Variants in BNC2 observed in about 807,000 individuals in gnomAD.
BNC2 encodes the protein basonuclin zinc finger protein 2, also known as zinc finger protein basonuclin-2.
In BNC2, 20 loss-of-function variants were observed where a neutral mutation model predicts 76.3. The observed-to-expected ratio is 0.26, with a 90% confidence interval of 0.18 to 0.38. The LOEUF (loss-of-function observed/expected upper bound fraction) is 0.38, where lower values mean the gene tolerates loss of function less well. Ranked by LOEUF, BNC2 falls within the 10% of genes least tolerant of loss-of-function variation. The pLI is 1.00. For missense variants in BNC2, 1,382 were observed against 1,399.8 expected (o/e 0.99, Z 0.20); for synonymous variants, 582 against 514.8 (o/e 1.13, Z -1.77).
At chr9:16,790,367 G>T (rs1408659930) in intron 1 of BNC2, among the ~76,000 whole-genome samples, 2 of 152,148 alleles carry the variant, frequency 1.3e-5, no homozygotes, top group Non-Finnish European at 2.9e-5. Flanking sequence ...TGTCAAAACA[G>T]TAAAAACTGT....
intron 1 of BNC2, among the ~76,000 whole-genome samples, chr9:16,785,906 G>T (rs912286767): frequency 1.3e-5 from 2 of 152,016 alleles, no homozygotes; most frequent in Non-Finnish European, 2.9e-5. Flanking sequence ...CCAGGGCCTT[G>T]AAGGAAAATC....
At chr9:16,742,904 T>G (rs895602445) in intron 1 of BNC2, among the ~76,000 whole-genome samples, 1 of 152,182 alleles carries the variant, frequency 6.6e-6, no homozygotes, top group Non-Finnish European at 1.5e-5. Context: ...AAATTGTACC[T>G]GAATGAGAAA....
intron 1 of BNC2, among the ~76,000 whole-genome samples, chr9:16,770,753 T>C (rs895714892): frequency 6.6e-6 from 1 of 151,982 alleles, no homozygotes; most frequent in Non-Finnish European, 1.5e-5. Context: ...TAGAGCCAGC[T>C]ACTCAGGGGC....
At chr9:16,428,728 G>C (rs1820848543) in intron 6 of BNC2, among the ~76,000 whole-genome samples, 1 of 152,038 alleles carries the variant, frequency 6.6e-6, no homozygotes, top group Admixed American at 6.5e-5. Context: ...AATTAAACTA[G>C]AAGTGGGTAA....
chr9:16,743,987 G>A (rs569029325), intron 1 of BNC2, among the ~76,000 whole-genome samples: 6 of 76,546 alleles, frequency 7.8e-5, no homozygotes, highest in Admixed American at 5.3e-4. Context: ...TTTGTTTGGA[G>A]ACGGAGTCTC....
At chr9:16,764,061 T>C (rs1825624776) in intron 1 of BNC2, among the ~76,000 whole-genome samples, 1 of 152,178 alleles carries the variant, frequency 6.6e-6, no homozygotes, top group Admixed American at 6.5e-5. Context: ...CTGGGATTGG[T>C]TCCTAATAAA....
In BNC2 at chr9:16,713,445, C is replaced by CT. The variant is rs34090221; in HGVS notation, c.330+14351dup. 3.8e-3 allele frequency among the ~76,000 whole-genome samples: 491 copies of CT among 128,156 alleles called. 1 individual carries two copies. The highest frequency in any genetic ancestry group is 0.012 in the African/African-American group (406 of 33,514). 84.1% of individuals were successfully genotyped at this position (128,156 alleles called of 152,430 possible). On this transcript the variant is annotated intron_variant, in intron 3 of 6. Coordinates refer to ENST00000380672, the MANE Select transcript of BNC2 (RefSeq NM_017637.6). ...TAGAAAACCAGCCTAGGAAAAGGCA[C>CT]TTTTTTTTTTTTTTTTTTTTTTTAA...
chr9:16,738,277 G>A (rs774423020), intron 2 of BNC2, 83 bp downstream of exon 2: 2 of 1,443,254 alleles, frequency 1.4e-6, no homozygotes, highest in Non-Finnish European at 1.9e-6. Flanking sequence ...GAAAGAAGAG[G>A]TGAGAGATAT....
intron 1 of BNC2, among the ~76,000 whole-genome samples, chr9:16,844,441 T>C (rs1818912642): frequency 6.6e-6 from 1 of 151,232 alleles, no homozygotes; most frequent in South Asian, 2.1e-4. Context: ...TGTCAGGTGG[T>C]AATTCTAGGG....
intron 1 of BNC2, among the ~76,000 whole-genome samples, chr9:16,747,977 A>C (rs1313902746): frequency 1.3e-5 from 2 of 151,172 alleles, no homozygotes; most frequent in Admixed American, 6.7e-5. Flanking sequence ...TTTACTATGA[A>C]TCTTTCCAAT....
intron 1 of BNC2, among the ~76,000 whole-genome samples, chr9:16,828,682 G>T (rs962359412): frequency 1.3e-5 from 2 of 152,156 alleles, no homozygotes; most frequent in Non-Finnish European, 2.9e-5. Context: ...GAAGAAAGCA[G>T]GGTCACTAAT....
At chr9:16,455,069 C>T (rs1209326547) in intron 5 of BNC2, among the ~76,000 whole-genome samples, 2 of 152,078 alleles carry the variant, frequency 1.3e-5, no homozygotes, top group African/African-American at 2.4e-5. Flanking sequence ...AGAAACGGAG[C>T]CCCAGGTGCA....
At chr9:16,515,912 T>C (rs943254581) in intron 5 of BNC2, among the ~76,000 whole-genome samples, 16 of 149,724 alleles carry the variant, frequency 1.1e-4, no homozygotes, top group Non-Finnish European at 7.4e-5. Context: ...TGGAAGATAA[T>C]GGCAGTTTGA....
At position 16,437,252 on chromosome 9, in the gene BNC2, G is replaced by A; in HGVS notation, c.942C>T (p.Asn314=). The change falls in exon 6 of 7, where the codon AAC becomes AAT. Residue 314 remains asparagine, a synonymous_variant. Coordinates refer to ENST00000380672, the MANE Select transcript of BNC2 (RefSeq NM_017637.6). ...GCAGAAATGCAAGGCTGTTTGGGAT[G>A]TTTTCGAAGTGATGAATGCTGGAAG... ...SNPSSIHHFE[N]IPNSLAFLLP... 5 of 1,614,182 alleles carry A rather than the reference G, an allele frequency of 3.1e-6. No individual in the cohort carries two copies. Among genetic ancestry groups the A allele is most frequent in the Non-Finnish European group, 4.2e-6 (5 of 1,180,028 alleles).
At chr9:16,618,804 A>T (rs558719519) in intron 3 of BNC2, among the ~76,000 whole-genome samples, 1 of 152,168 alleles carries the variant, frequency 6.6e-6, no homozygotes, top group East Asian at 1.9e-4. Context: ...TCAACAGCTG[A>T]GTGGTTTCAT....
At chr9:16,443,064 CAAAAAAAAA>C (rs908689709) in intron 5 of BNC2, among the ~76,000 whole-genome samples, 7 of 63,672 alleles carry the variant, frequency 1.1e-4, no homozygotes, top group South Asian at 1.2e-3. Context: ...GAGACTCTGT[CAAAAAAAAA>C]AAAAAAAAAA....
chr9:16,818,855 G>A (rs371999897), intron 1 of BNC2, among the ~76,000 whole-genome samples: 1 of 137,414 alleles, frequency 7.3e-6, no homozygotes, highest in South Asian at 2.4e-4. Context: ...TCATTTAAAG[G>A]AGTGAGGCAT....
Position 16,412,781 on chromosome 9 carries a change from A to ATG in BNC2, c.*6206_*6207dup, listed in dbSNP as rs962892670. The ATG allele has an allele frequency of 4.3e-5, 5 of 116,914 alleles. No homozygotes were observed. The highest frequency in any genetic ancestry group is 9.9e-5 in the Non-Finnish European group (5 of 50,660). The allele number at this position is 116,914 out of a possible 1,614,324, so 7.2% of individuals were successfully genotyped here. ...AGAGAGAGAGACTGACTGATTGTGG[A>ATG]TGTGTGTGTACATCAGGGAACTCGA... On this transcript the variant is annotated 3_prime_UTR_variant, in exon 7 of 7. Transcript: ENST00000380672.
At chr9:16,718,752 G>A (rs1824062312) in intron 3 of BNC2, among the ~76,000 whole-genome samples, 1 of 152,180 alleles carries the variant, frequency 6.6e-6, no homozygotes, top group South Asian at 2.1e-4. Flanking sequence ...TCTTAGGATG[G>A]AGAATGCCTC....
Sources: gnomAD v4.1 joint callset for allele counts (sites outside exome capture counted in the v4.1 genomes callset) on GRCh38, gnomAD v4.1.1 for gene constraint, MANE v1.5 for transcripts, NCBI Gene and HGNC (gene_info 2026-07-23, HGNC 2026-07-21) for gene names.